The following CMTM8 variants were observed in gnomAD, a reference collection of about 807,000 sequenced individuals.
The protein encoded by CMTM8 is CKLF like MARVEL transmembrane domain containing 8, also known as CKLF-like MARVEL transmembrane domain-containing protein 8.
CMTM8 carries 12 observed loss-of-function variants against 18.6 expected under a neutral mutation model. The ratio of observed to expected loss-of-function variants is 0.65; its 90% CI spans 0.41 to 1.05. The LOEUF (loss-of-function observed/expected upper bound fraction) is 1.05, where lower values mean the gene tolerates loss of function less well. Among genes scored for constraint, CMTM8 ranks in the 50% least tolerant of loss-of-function variants. The probability of loss-of-function intolerance (pLI) is 0.00; values close to 1 mark genes in which losing one functional copy is unlikely to be tolerated. For synonymous variants in CMTM8, 87 were observed against 90.6 expected, an observed-to-expected ratio of 0.96 and a Z score of 0.23; for missense variants, 217 against 227.2, an observed-to-expected ratio of 0.95 and a Z score of 0.29.
At chr3:32,294,348 C>T (rs1275894487) in intron 1 of CMTM8, among the ~76,000 whole-genome samples, 2 of 152,226 alleles carry the variant, frequency 1.3e-5, no homozygotes, top group Non-Finnish European at 2.9e-5. Flanking sequence ...TCCTGTGAGG[C>T]TTCCAGATGC....
intron 1 of CMTM8, among the ~76,000 whole-genome samples, chr3:32,275,151 T>C (rs1229514948): frequency 6.6e-6 from 1 of 151,474 alleles, no homozygotes; most frequent in African/African-American, 2.4e-5. Flanking sequence ...ACTACAGGTG[T>C]GCACCACCAC....
intron 1 of CMTM8, among the ~76,000 whole-genome samples, chr3:32,323,351 A>G (rs936094229): frequency 2.0e-5 from 3 of 152,208 alleles, no homozygotes; most frequent in Non-Finnish European, 2.9e-5. Context: ...CCGTTTTCAC[A>G]TTCTCCCCCA....
intron 1 of CMTM8, among the ~76,000 whole-genome samples, chr3:32,297,467 A>ATCACGTCCAGCCCCTAATTAAAAACT (rs1553604376): frequency 4.6e-5 from 7 of 152,168 alleles, no homozygotes; most frequent in Non-Finnish European, 1.0e-4. Context: ...GGCGTGAGCC[A>ATCACGTCCAGCCCCTAATTAAAAACT]CCGTGCCTGG....
intron 1 of CMTM8, among the ~76,000 whole-genome samples, chr3:32,353,931 G>A (rs1381603519): frequency 1.3e-5 from 2 of 151,646 alleles, no homozygotes; most frequent in African/African-American, 2.4e-5. Flanking sequence ...ACTACAGGCA[G>A]GTACCACGAC....
intron 1 of CMTM8, among the ~76,000 whole-genome samples, chr3:32,277,990 A>T (rs1185032279): frequency 6.6e-6 from 1 of 152,194 alleles, no homozygotes; most frequent in Non-Finnish European, 1.5e-5. Context: ...CAGTCAAAGC[A>T]CTAATTGCCC....
intron 1 of CMTM8, among the ~76,000 whole-genome samples, chr3:32,285,039 A>G (rs1173483895): frequency 2.6e-5 from 4 of 152,124 alleles, no homozygotes; most frequent in African/African-American, 4.8e-5. Context: ...TCCTCATATG[A>G]CCTGGTTCAA....
Position 32,306,177 on chromosome 3 carries a change from G to T in CMTM8, c.148-51196G>T, listed in dbSNP as rs544861941. Among the ~76,000 whole-genome samples the T allele has an allele frequency of 2.6e-5, 4 of 152,326 alleles. No homozygotes were observed. In the South Asian group the frequency reaches 6.2e-4, roughly 24 times the overall value. On this transcript the variant is annotated intron_variant, in intron 1 of 3. Transcript: ENST00000307526. ...GGTGTCACTCATTCATCTGTGATCTGCTGGAGACTGCATGATTTAAGAGGT... is the reference window on the plus strand; with the variant it reads ...GGTGTCACTCATTCATCTGTGATCTTCTGGAGACTGCATGATTTAAGAGGT...
intron 1 of CMTM8, among the ~76,000 whole-genome samples, chr3:32,341,485 G>A (rs1002672094): frequency 3.3e-5 from 5 of 152,120 alleles, no homozygotes; most frequent in African/African-American, 4.8e-5. Flanking sequence ...GTCTTATGTG[G>A]ATTTTAGAAA....
chr3:32,293,278 T>A (rs754109956), intron 1 of CMTM8, among the ~76,000 whole-genome samples: 2 of 152,104 alleles, frequency 1.3e-5, no homozygotes, highest in Non-Finnish European at 2.9e-5. Context: ...AGGCCAGGCG[T>A]GGTGGCTCAT....
At chr3:32,254,164 G>T (rs1702147477) in intron 1 of CMTM8, among the ~76,000 whole-genome samples, 1 of 152,204 alleles carries the variant, frequency 6.6e-6, no homozygotes, top group Non-Finnish European at 1.5e-5. Flanking sequence ...AAAATGCTGG[G>T]ATTACAGGTG....
chr3:32,256,196 A>T (rs1425774121), intron 1 of CMTM8, among the ~76,000 whole-genome samples: 1 of 151,722 alleles, frequency 6.6e-6, no homozygotes, highest in Non-Finnish European at 1.5e-5. Flanking sequence ...CCTCCTGTGC[A>T]GGTGGGATCA....
intron 1 of CMTM8, among the ~76,000 whole-genome samples, chr3:32,347,297 G>GTTTTTTTTGTTTTT (rs1553607213): frequency 3.6e-4 from 49 of 136,542 alleles, no homozygotes; most frequent in African/African-American, 1.2e-3. Context: ...TTTTGCTTAG[G>GTTTTTTTTGTTTTT]TTTTTTTTTT....
intron 1 of CMTM8, among the ~76,000 whole-genome samples, chr3:32,338,272 G>A (rs527409134): frequency 1.1e-4 from 16 of 152,028 alleles, no homozygotes; most frequent in Non-Finnish European, 2.2e-4. Context: ...GTAAGCCACC[G>A]TGCCCGGCCT....
intron 2 of CMTM8, among the ~76,000 whole-genome samples, chr3:32,365,320 A>G (rs73069486): frequency 0.062 from 9,363 of 151,404 alleles, 406 homozygotes; most frequent in East Asian, 0.13. Context: ...AAAAAGAGAG[A>G]AAGAGAACAT....
chr3:32,325,423 C>G (rs1483520008), intron 1 of CMTM8, among the ~76,000 whole-genome samples: 1 of 152,202 alleles, frequency 6.6e-6, no homozygotes, highest in Non-Finnish European at 1.5e-5. Flanking sequence ...TCACTTGCTC[C>G]TAGAGTAGGG....
At chr3:32,349,310 AT>A (rs1286517490) in intron 1 of CMTM8, among the ~76,000 whole-genome samples, 1 of 152,012 alleles carries the variant, frequency 6.6e-6, no homozygotes, top group Non-Finnish European at 1.5e-5. Context: ...GTGTTGGGGA[AT>A]CCCCAAAGTC....
At chr3:32,247,599 T>G (rs1202616902) in intron 1 of CMTM8, among the ~76,000 whole-genome samples, 1 of 152,194 alleles carries the variant, frequency 6.6e-6, no homozygotes, top group African/African-American at 2.4e-5. Flanking sequence ...GTGCTGAGAT[T>G]ACAGGCGTGC....
chr3:32,313,672 G>A (rs1483882678), intron 1 of CMTM8, among the ~76,000 whole-genome samples: 2 of 152,086 alleles, frequency 1.3e-5, no homozygotes, highest in African/African-American at 4.8e-5. Context: ...AGAACTACTG[G>A]GTCAGAATCT....
At chr3:32,349,621 C>T (rs1696665544) in intron 1 of CMTM8, among the ~76,000 whole-genome samples, 2 of 152,128 alleles carry the variant, frequency 1.3e-5, no homozygotes, top group Non-Finnish European at 2.9e-5. Context: ...GGAGGTGGAG[C>T]ACAGCTGCTG....
Sources: allele counts gnomAD v4.1 joint callset (sites outside exome capture counted in the v4.1 genomes callset), GRCh38; gene constraint gnomAD v4.1.1; transcripts MANE v1.5; gene names NCBI Gene and HGNC (gene_info 2026-07-23, HGNC 2026-07-21).